The following JPH3 variants were observed in gnomAD, a reference collection of about 807,000 sequenced individuals.
JPH3 encodes the protein junctophilin-3.
In JPH3, 11 loss-of-function variants were observed where a neutral mutation model predicts 59.6. The ratio of observed to expected loss-of-function variants is 0.18; its 90% CI spans 0.12 to 0.31. The LOEUF (loss-of-function observed/expected upper bound fraction) is 0.31. Ranked by LOEUF, JPH3 falls within the 10% of genes least tolerant of loss-of-function variation. JPH3 has a pLI of 1.00. For synonymous variants in JPH3, 673 were observed against 483.6 expected, an observed-to-expected ratio of 1.39 and a Z score of -5.14; for missense variants, 1,202 against 1,105.7, an observed-to-expected ratio of 1.09 and a Z score of -1.24.
At chr16:87,683,309 C>CTT (rs571124026) in intron 2 of JPH3, among the ~76,000 whole-genome samples, 6 of 145,812 alleles carry the variant, frequency 4.1e-5, no homozygotes, top group Non-Finnish European at 6.1e-5. Context: ...GAAACATTTT[C>CTT]TTTTTTTTTT....
chr16:87,670,426 A>C (rs1023295061), intron 2 of JPH3, among the ~76,000 whole-genome samples: 12 of 152,088 alleles, frequency 7.9e-5, no homozygotes, highest in African/African-American at 2.4e-5. Context: ...TGGACTTGCC[A>C]CCGATTATTC....
intron 1 of JPH3, among the ~76,000 whole-genome samples, chr16:87,608,690 T>A (rs2030620876): frequency 6.6e-6 from 1 of 152,182 alleles, no homozygotes; most frequent in South Asian, 2.1e-4. Flanking sequence ...CCATCTCTCC[T>A]TGCCAGTGAC....
chr16:87,603,960 T>C, intron 1 of JPH3: 1 of 469,644 alleles, frequency 2.1e-6, no homozygotes, highest in Non-Finnish European at 2.8e-6. Context: ...TCGCTTCTGG[T>C]GTTCCTGCGG....
At chr16:87,645,625 G>T (rs1020687239) in intron 2 of JPH3, among the ~76,000 whole-genome samples, 4 of 152,238 alleles carry the variant, frequency 2.6e-5, no homozygotes, top group Non-Finnish European at 2.9e-5. Flanking sequence ...ACGGAATTTG[G>T]GGTCCAGTGG....
chr16:87,660,267 T>G (rs895340225), intron 2 of JPH3, among the ~76,000 whole-genome samples: 8 of 151,972 alleles, frequency 5.3e-5, no homozygotes, highest in Admixed American at 5.2e-4. Flanking sequence ...TTTCAGAGAG[T>G]TGAGCTTTTC....
intron 1 of JPH3, among the ~76,000 whole-genome samples, chr16:87,640,818 C>T (rs976651888): frequency 3.3e-5 from 5 of 152,226 alleles, no homozygotes; most frequent in African/African-American, 1.2e-4. Flanking sequence ...TGTCCACAGC[C>T]CTGGCACGGA....
intron 1 of JPH3, among the ~76,000 whole-genome samples, chr16:87,608,963 G>A (rs1285333323): frequency 3.3e-5 from 5 of 152,196 alleles, no homozygotes; most frequent in Admixed American, 6.5e-5. Flanking sequence ...CTTGAGCCCC[G>A]GAGGTCAAGG....
chr16:87,615,762 G>A (rs147139277), intron 1 of JPH3, among the ~76,000 whole-genome samples: 4 of 152,176 alleles, frequency 2.6e-5, no homozygotes, highest in African/African-American at 4.8e-5. Context: ...CTGGGACCAC[G>A]CCTTGAGAAG....
rs185037657 is a variant in JPH3 at position 87,687,572 on chromosome 16, C to A, written c.1286-2074C>A. Among the ~76,000 whole-genome samples the A allele has an allele frequency of 2.6e-5, 4 of 152,358 alleles. No homozygotes were observed. The South Asian group carries it at 8.3e-4, about 32-fold the overall frequency. Reference sequence around the variant, plus strand: ...CTTCCGGTGCCATCCGCCCCCGCCCCAGAGGCAGGAGGACTGAGCGTCGGA... The same window carrying A: ...CTTCCGGTGCCATCCGCCCCCGCCCAAGAGGCAGGAGGACTGAGCGTCGGA... On this transcript the variant is annotated intron_variant, in intron 3 of 4. Coordinates refer to ENST00000284262, the MANE Select transcript of JPH3 (RefSeq NM_020655.4).
At chr16:87,606,580 C>G (rs563954697) in intron 1 of JPH3, among the ~76,000 whole-genome samples, 1 of 152,286 alleles carries the variant, frequency 6.6e-6, no homozygotes, top group Non-Finnish European at 1.5e-5. Flanking sequence ...TTTTGTGACC[C>G]TGGTTGGATT....
intron 1 of JPH3, among the ~76,000 whole-genome samples, chr16:87,629,361 CGT>C (rs905451249): frequency 6.6e-6 from 1 of 151,174 alleles, no homozygotes; most frequent in African/African-American, 2.4e-5. Flanking sequence ...GTAAAGATAA[CGT>C]ATATTTGATT....
At chr16:87,677,315 A>G (rs542893486) in intron 2 of JPH3, among the ~76,000 whole-genome samples, 2 of 149,788 alleles carry the variant, frequency 1.3e-5, no homozygotes, top group East Asian at 1.9e-4. Context: ...CCTGGGAGGC[A>G]GAGTTTGCAG....
intron 1 of JPH3, among the ~76,000 whole-genome samples, chr16:87,631,571 G>T (rs919588908): frequency 6.6e-6 from 1 of 152,030 alleles, no homozygotes; most frequent in Non-Finnish European, 1.5e-5. Flanking sequence ...ATCTTGGTTG[G>T]GTGTCTCTCC....
chr16:87,667,626 G>T (rs2032904608), intron 2 of JPH3, among the ~76,000 whole-genome samples: 1 of 152,196 alleles, frequency 6.6e-6, no homozygotes, highest in African/African-American at 2.4e-5. Flanking sequence ...ACCTGTGACA[G>T]CGGGGGGTCT....
intron 1 of JPH3, among the ~76,000 whole-genome samples, chr16:87,638,384 C>A (rs1254919388): frequency 6.6e-6 from 1 of 152,166 alleles, no homozygotes; most frequent in Non-Finnish European, 1.5e-5. Flanking sequence ...AGTGCCTGGA[C>A]CGTGGAGCAC....
intron 3 of JPH3, among the ~76,000 whole-genome samples, chr16:87,686,060 C>T (rs941520541): frequency 3.3e-5 from 5 of 152,118 alleles, no homozygotes; most frequent in East Asian, 3.8e-4. Context: ...CTGGAGACTC[C>T]GTGGCTGGAG....
rs761681920 is a variant in JPH3 at position 87,684,235 on chromosome 16, G to C, written c.1254G>C (p.Glu418Asp). 7.4e-6 allele frequency: 12 copies of C among 1,613,992 alleles called. No homozygotes were observed. The highest frequency in any genetic ancestry group is 1.0e-5 in the Non-Finnish European group (12 of 1,180,024). ...GGATCGCCAGGATCACTGCCAAAGA[G>C]TTCTCCCCTTCCTTCCAGCACCGGG... Reference protein sequence around the residue: ...EARIARITAKEFSPSFQHREN... With the variant: ...EARIARITAKDFSPSFQHREN... Residue 418 changes from glutamate (E) to aspartate (D), a missense_variant, in exon 3 of 5, where the codon GAG (glutamate) becomes GAC (aspartate). Physicochemically the swap from Glu to Asp is conservative, Grantham distance 45. Transcript: ENST00000284262.
chr16:87,659,205 C>G lies in JPH3; in HGVS notation c.1160+14170C>G, dbSNP rs140072355. Among the ~76,000 whole-genome samples, 711 of 151,858 alleles carry G rather than the reference C, an allele frequency of 4.7e-3. 4 individuals are homozygous for G. Among genetic ancestry groups the G allele is most frequent in the African/African-American group, 0.016 (679 of 41,374 alleles). On this transcript the variant is annotated intron_variant, in intron 2 of 4. Transcript: ENST00000284262. ...CCTGGCCAACATGGCAAGATCCCCT[C>G]TCTACTGAAAATACAAAAAAATTCA... is the stretch of plus-strand genomic sequence containing the variant.
intron 2 of JPH3, among the ~76,000 whole-genome samples, chr16:87,651,680 C>T (rs780869726): frequency 2.6e-5 from 4 of 152,236 alleles, no homozygotes; most frequent in Non-Finnish European, 5.9e-5. Flanking sequence ...GCTGCAAGCT[C>T]ACGACCACAC....
Sources: allele counts gnomAD v4.1 joint callset (sites outside exome capture counted in the v4.1 genomes callset), GRCh38; gene constraint gnomAD v4.1.1; transcripts MANE v1.5; gene names NCBI Gene and HGNC (gene_info 2026-07-23, HGNC 2026-07-21).